The following PATJ variants were observed in gnomAD, a reference collection of about 807,000 sequenced individuals.
PATJ encodes PATJ crumbs cell polarity complex component.
In PATJ, 190 loss-of-function variants were observed where a neutral mutation model predicts 224.9. The ratio of observed to expected loss-of-function variants is 0.84; its 90% CI spans 0.75 to 0.95. PATJ has a LOEUF of 0.95. PATJ is among the 40% of genes least tolerant of loss of function. The pLI is 0.00. For synonymous variants in PATJ, 769 were observed against 820.3 expected, an observed-to-expected ratio of 0.94 and a Z score of 1.07; for missense variants, 2,121 against 2,270.3, an observed-to-expected ratio of 0.93 and a Z score of 1.34.
rs1663884748 is a variant in PATJ, at chr1:61,857,515, C to T, written c.2322+1276C>T. On this transcript the variant is annotated intron_variant, in intron 18 of 43. Transcript: ENST00000642238. ...GCCTGTCTTACTATGTTGTCACTTG[C>T]CTAGTTTGTATGCAGCATGTCTGAA... Among the ~76,000 whole-genome samples the T allele has an allele frequency of 1.3e-5, 2 of 152,184 alleles. 1 individual carries two copies. The highest frequency in any genetic ancestry group is 1.3e-4 in the Admixed American group (2 of 15,284).
chr1:61,853,358 G>A (rs1233426633), intron 17 of PATJ, among the ~76,000 whole-genome samples: 1 of 152,052 alleles, frequency 6.6e-6, no homozygotes, highest in Non-Finnish European at 1.5e-5. Flanking sequence ...TTAAATTTTG[G>A]TGTTATCTGA....
Position 61,771,454 on chromosome 1 carries a change from A to T in PATJ, c.548A>T (p.Asp183Val), listed in dbSNP as rs373505441. 68 of 1,595,272 alleles carry T rather than the reference A, an allele frequency of 4.3e-5. No individual in the cohort carries two copies. The highest frequency in any genetic ancestry group is 5.3e-5 in the Non-Finnish European group (62 of 1,173,454). ...ADRDQRLKEN[D>V]QILAINHTPL... ...AGGGATCAAAGATTAAAGGAAAATG[A>T]TCAAATATTGGCCATTAATCACACG... is the stretch of plus-strand genomic sequence containing the variant. The change falls in exon 6 of 44, where the codon GAT becomes GTT. Residue 183 changes from aspartate (D) to valine (V), a missense_variant. Asp to Val is a radical substitution (Grantham distance 152, BLOSUM62 -3). Transcript: ENST00000642238.
At chr1:62,066,425 C>A (rs1656444826) in intron 31 of PATJ, among the ~76,000 whole-genome samples, 1 of 151,646 alleles carries the variant, frequency 6.6e-6, no homozygotes, top group African/African-American at 2.4e-5. Flanking sequence ...ACTCTGTCGC[C>A]CAGGTTGGAA....
At position 61,864,334 on chromosome 1, in the gene PATJ, C is replaced by G; in HGVS notation, c.2536C>G (p.Gln846Glu). 1 of 1,613,984 alleles carries G rather than the reference C, an allele frequency of 6.2e-7. No homozygotes were observed. The highest frequency in any genetic ancestry group is 1.1e-5 in the South Asian group (1 of 91,062). The change falls in exon 20 of 44, where the codon CAA (glutamine) becomes GAA (glutamate). Residue 846 changes from glutamine (Q) to glutamate (E), a missense_variant. Transcript: ENST00000642238. ...CCATTCCCAACAAAAAGAGATAGAG[C>G]AAAGCAAGGAGGCCTGGGAGATGCA... Reference protein sequence around the residue: ...SFHSQQKEIEQSKEAWEMHEF... With the variant: ...SFHSQQKEIEESKEAWEMHEF...
At chr1:61,933,218 G>A (rs1676288444) in intron 27 of PATJ, among the ~76,000 whole-genome samples, 1 of 152,112 alleles carries the variant, frequency 6.6e-6, no homozygotes, top group Admixed American at 6.6e-5. Context: ...TATTGATGGT[G>A]CAGGAACTTT....
At chr1:61,815,538 C>A (rs1217699345) in intron 14 of PATJ, among the ~76,000 whole-genome samples, 1 of 152,062 alleles carries the variant, frequency 6.6e-6, no homozygotes, top group African/African-American at 2.4e-5. Context: ...ATGGCCATCA[C>A]TCTTGAAGGG....
intron 14 of PATJ, among the ~76,000 whole-genome samples, chr1:61,822,010 G>T (rs146230440): frequency 6.4e-4 from 98 of 152,294 alleles, no homozygotes; most frequent in African/African-American, 7.9e-4. Context: ...ATGGATAAAC[G>T]ATTGCCTTTC....
At chr1:62,143,741 C>T (rs993856944) in intron 41 of PATJ, among the ~76,000 whole-genome samples, 4 of 152,078 alleles carry the variant, frequency 2.6e-5, no homozygotes, top group South Asian at 4.1e-4. Flanking sequence ...TGAGCCACCA[C>T]GCTGGCCTAA....
At chr1:61,832,343 A>C (rs1431337596) in intron 16 of PATJ, among the ~76,000 whole-genome samples, 1 of 152,204 alleles carries the variant, frequency 6.6e-6, no homozygotes, top group Non-Finnish European at 1.5e-5. Context: ...GGAGAGAATA[A>C]ATACATAAAT....
chr1:62,014,599 C>T (rs1646662105), intron 28 of PATJ, among the ~76,000 whole-genome samples: 1 of 119,172 alleles, frequency 8.4e-6, no homozygotes. Context: ...CAGGGTCTCA[C>T]TGTGTTGCCC....
At chr1:61,899,740 C>T in intron 23 of PATJ, 86 bp downstream of exon 23, 2 of 843,906 alleles carry the variant, frequency 2.4e-6, no homozygotes, top group East Asian at 2.6e-5. Context: ...TTATTTAGTC[C>T]TACTCTAATG....
chr1:61,931,694 G>A (rs146921513), intron 27 of PATJ, among the ~76,000 whole-genome samples: 30 of 152,352 alleles, frequency 2.0e-4, no homozygotes, highest in African/African-American at 7.0e-4. Context: ...AGCCTGTGAG[G>A]TGGAAGTTTC....
At chr1:61,877,715 CTG>C (rs1667527078) in intron 21 of PATJ, among the ~76,000 whole-genome samples, 1 of 152,176 alleles carries the variant, frequency 6.6e-6, no homozygotes, top group Non-Finnish European at 1.5e-5. Context: ...GCCTGTGGAA[CTG>C]TGAGTCAATT....
At chr1:61,937,292 G>A (rs1334448569) in intron 27 of PATJ, among the ~76,000 whole-genome samples, 3 of 152,074 alleles carry the variant, frequency 2.0e-5, no homozygotes, top group African/African-American at 7.2e-5. Flanking sequence ...GAGTGCAGTG[G>A]CATGATCCTG....
intron 9 of PATJ, among the ~76,000 whole-genome samples, chr1:61,793,188 C>T (rs2148519961): frequency 6.6e-6 from 1 of 152,216 alleles, no homozygotes; most frequent in South Asian, 2.1e-4. Flanking sequence ...ACTCTTGTGC[C>T]TCAGACTCCC....
At chr1:62,122,562 C>T (rs1328017877) in intron 38 of PATJ, among the ~76,000 whole-genome samples, 2 of 150,992 alleles carry the variant, frequency 1.3e-5, no homozygotes, top group Non-Finnish European at 3.0e-5. Context: ...CGGTGGCTCA[C>T]GCCTGTAATC....
At chr1:62,106,040 C>G (rs1662874613) in intron 33 of PATJ, among the ~76,000 whole-genome samples, 1 of 85,654 alleles carries the variant, frequency 1.2e-5, no homozygotes, top group African/African-American at 5.4e-5. Flanking sequence ...TAGTGAGACT[C>G]CTCTTAAAAA....
intron 29 of PATJ, among the ~76,000 whole-genome samples, chr1:62,024,776 T>G (rs1647511469): frequency 6.6e-6 from 1 of 152,014 alleles, no homozygotes; most frequent in South Asian, 2.1e-4. Flanking sequence ...GCCAATTCTT[T>G]CTCTCACTGC....
chr1:61,827,232 T>G (rs1284464642), intron 15 of PATJ, among the ~76,000 whole-genome samples, 190 bp from the exon 16 acceptor site: 5 of 152,158 alleles, frequency 3.3e-5, no homozygotes, highest in Non-Finnish European at 5.9e-5. Flanking sequence ...TTTTAAAAAT[T>G]TTAAGGATTT....
Sources: gnomAD v4.1 joint callset for allele counts (sites outside exome capture counted in the v4.1 genomes callset) on GRCh38, gnomAD v4.1.1 for gene constraint, MANE v1.5 for transcripts, NCBI Gene and HGNC (gene_info 2026-07-23, HGNC 2026-07-21) for gene names.